The following LRP1B variants were observed in gnomAD, a reference collection of about 807,000 sequenced individuals.
The protein encoded by LRP1B is low-density lipoprotein receptor-related protein 1B.
A neutral mutation model predicts 556.6 loss-of-function variants in LRP1B; 217 were observed. The ratio of observed to expected loss-of-function variants is 0.39; its 90% confidence interval spans 0.35 to 0.44. LRP1B has a LOEUF of 0.44. Ranked by LOEUF, LRP1B falls within the 20% of genes least tolerant of loss-of-function variation. The pLI is 1.00. For missense variants in LRP1B, 5,053 were observed against 5,620.8 expected (o/e 0.90, Z 3.23); for synonymous variants, 2,047 against 1,865.8 (o/e 1.10, Z -2.50).
intron 3 of LRP1B, among the ~76,000 whole-genome samples, chr2:141,303,704 T>C (rs908926443): frequency 1.3e-5 from 2 of 152,206 alleles, no homozygotes; most frequent in Admixed American, 1.3e-4. Context: ...AGCCTTGCTA[T>C]TGTTAATAGT....
chr2:140,587,897 C>G (rs1328121112), intron 43 of LRP1B, among the ~76,000 whole-genome samples: 1 of 148,952 alleles, frequency 6.7e-6, no homozygotes, highest in African/African-American at 2.5e-5. Context: ...TAATAGATAT[C>G]TCATCAGAAA....
At position 140,820,587 on chromosome 2, in the gene LRP1B, T is replaced by C. The variant is rs1348215175; in HGVS notation, c.5210-6781A>G. On this transcript the variant is annotated intron_variant, in intron 31 of 90. Coordinates refer to ENST00000389484, the MANE Select transcript of LRP1B (RefSeq NM_018557.3). ...CACAGAAATAGAGGAAAAACCAGAATCAACGAAATTATTTTTTAAGTGTTT... is the reference window on the plus strand; with the variant it reads ...CACAGAAATAGAGGAAAAACCAGAACCAACGAAATTATTTTTTAAGTGTTT... 4.3e-5 allele frequency among the ~76,000 whole-genome samples: 6 copies of C among 138,360 alleles called. No individual in the cohort carries two copies. In the Admixed American group the frequency reaches 4.4e-4, roughly 10 times the overall value. 90.8% of individuals were successfully genotyped at this position (138,360 alleles called of 152,430 possible).
intron 86 of LRP1B, among the ~76,000 whole-genome samples, chr2:140,247,970 G>A (rs985598698): frequency 6.6e-6 from 1 of 151,472 alleles, no homozygotes; most frequent in Admixed American, 6.6e-5. Context: ...AATTTAATTG[G>A]CTTCAGTTCG....
At chr2:140,271,478 C>T (rs747712535) in intron 85 of LRP1B, among the ~76,000 whole-genome samples, 3 of 151,924 alleles carry the variant, frequency 2.0e-5, no homozygotes, top group South Asian at 2.1e-4. Context: ...TAAAAATAAT[C>T]GGTTGACATG....
chr2:140,463,152 G>A (rs1687392863), intron 60 of LRP1B, among the ~76,000 whole-genome samples: 1 of 152,148 alleles, frequency 6.6e-6, no homozygotes, highest in Non-Finnish European at 1.5e-5. Context: ...GACAAAGAAA[G>A]TGGAAGATTC....
At chr2:140,679,217 T>C (rs1685777985) in intron 41 of LRP1B, among the ~76,000 whole-genome samples, 1 of 152,204 alleles carries the variant, frequency 6.6e-6, no homozygotes, top group Non-Finnish European at 1.5e-5. Flanking sequence ...CATTATGACC[T>C]CATTTTACCT....
chr2:140,671,477 C>G (rs938253195), intron 41 of LRP1B, among the ~76,000 whole-genome samples: 3 of 152,232 alleles, frequency 2.0e-5, no homozygotes, highest in South Asian at 2.1e-4. Flanking sequence ...GCCAAGATAG[C>G]GCCATTGCAG....
intron 32 of LRP1B, among the ~76,000 whole-genome samples, chr2:140,778,973 T>A (rs575886272): frequency 1.4e-4 from 21 of 151,716 alleles, no homozygotes; most frequent in Middle Eastern, 3.2e-3. Flanking sequence ...TTGTAATGTT[T>A]AAGTGAATTT....
At chr2:140,587,008 A>T (rs1682012207) in intron 43 of LRP1B, among the ~76,000 whole-genome samples, 1 of 152,172 alleles carries the variant, frequency 6.6e-6, no homozygotes, top group Admixed American at 6.5e-5. Context: ...TAAAAAAAAT[A>T]GAAGAAAGAA....
At chr2:140,619,497 G>A (rs1683378227) in intron 41 of LRP1B, among the ~76,000 whole-genome samples, 1 of 152,106 alleles carries the variant, frequency 6.6e-6, no homozygotes, top group African/African-American at 2.4e-5. Context: ...ATGAAACTCA[G>A]GGCTGTCAAT....
At chr2:140,479,501 C>T (rs1688132135) in intron 59 of LRP1B, among the ~76,000 whole-genome samples, 2 of 152,014 alleles carry the variant, frequency 1.3e-5, no homozygotes, top group African/African-American at 4.8e-5. Flanking sequence ...TGCTTGTAAC[C>T]ATAACAATAG....
At chr2:141,674,520 T>C (rs1255055262) in intron 2 of LRP1B, among the ~76,000 whole-genome samples, 1 of 152,098 alleles carries the variant, frequency 6.6e-6, no homozygotes, top group African/African-American at 2.4e-5. Flanking sequence ...CATAAAGCTA[T>C]TCCTTCACAC....
At chr2:140,754,218 T>A (rs1162265588) in intron 35 of LRP1B, among the ~76,000 whole-genome samples, 2 of 152,170 alleles carry the variant, frequency 1.3e-5, no homozygotes, top group Non-Finnish European at 1.5e-5. Flanking sequence ...AAGAGCAGGC[T>A]GCAGTTTTAC....
intron 3 of LRP1B, among the ~76,000 whole-genome samples, chr2:141,436,076 T>C (rs1680754616): frequency 6.6e-6 from 1 of 152,230 alleles, no homozygotes; most frequent in Non-Finnish European, 1.5e-5. Flanking sequence ...CTCTTTCTGT[T>C]CTTTCAAAAA....
At chr2:141,164,916 T>A (rs1410899664) in intron 7 of LRP1B, among the ~76,000 whole-genome samples, 15 of 152,070 alleles carry the variant, frequency 9.9e-5, no homozygotes, top group Non-Finnish European at 7.4e-5. Flanking sequence ...CCTTATTTTT[T>A]AATTTATGTT....
At chr2:141,050,944 C>CA (rs57286056) in intron 10 of LRP1B, among the ~76,000 whole-genome samples, 130,900 of 151,932 alleles carry the variant, frequency 0.86, 56,796 homozygotes, top group Non-Finnish European at 0.91. Context: ...AAGAAAAAAC[C>CA]AAAAACATCA....
At position 141,795,340 on chromosome 2, in the gene LRP1B, A is replaced by C. The variant is rs972010537; in HGVS notation, c.205+14939T>G. 3.3e-5 allele frequency among the ~76,000 whole-genome samples: 5 copies of C among 152,108 alleles called. No individual in the cohort carries two copies. In the South Asian group the frequency reaches 8.3e-4, roughly 25 times the overall value. On this transcript the variant is annotated intron_variant, in intron 2 of 90. Coordinates refer to ENST00000389484, the MANE Select transcript of LRP1B (RefSeq NM_018557.3). Reference sequence around the variant, plus strand: ...CCACACATATATCAAGTAACCAGATAATTTTCTTTATAAAAAAATATTATG... The same window carrying C: ...CCACACATATATCAAGTAACCAGATCATTTTCTTTATAAAAAAATATTATG...
At chr2:140,809,570 T>C (rs1690846041) in intron 32 of LRP1B, among the ~76,000 whole-genome samples, 1 of 152,194 alleles carries the variant, frequency 6.6e-6, no homozygotes, top group Non-Finnish European at 1.5e-5. Flanking sequence ...CTTAACTCTA[T>C]TAAGATTTGA....
chr2:140,345,950 A>C lies in LRP1B; in HGVS notation c.11892+4847T>G, dbSNP rs547064316. The stretch of plus-strand genomic sequence containing the variant: ...CTTCAAATTGGCCTTTACTCATCTT[A>C]TCTTGGGATTTGCATTATCTGAATT... On this transcript the variant is annotated intron_variant, in intron 77 of 90. Coordinates refer to ENST00000389484, the MANE Select transcript of LRP1B (RefSeq NM_018557.3). Among the ~76,000 whole-genome samples the C allele has an allele frequency of 7.7e-4, 115 of 149,430 alleles. 1 individual carries two copies. The highest frequency in any genetic ancestry group is 3.5e-3 in the Middle Eastern group (1 of 284).
Sources: gnomAD v4.1 joint callset for allele counts (sites outside exome capture counted in the v4.1 genomes callset) on GRCh38, gnomAD v4.1.1 for gene constraint, MANE v1.5 for transcripts, NCBI Gene and HGNC (gene_info 2026-07-23, HGNC 2026-07-21) for gene names.